Variants in AGBL3 observed in about 807,000 individuals in gnomAD.
AGBL3 encodes AGBL carboxypeptidase 3, also known as cytosolic carboxypeptidase 3.
A neutral mutation model predicts 94.5 loss-of-function variants in AGBL3; 68 were observed. That is an observed-to-expected ratio of 0.72 (90% confidence interval 0.59 to 0.88). The LOEUF is 0.88. Ranked by LOEUF, AGBL3 falls within the 40% of genes least tolerant of loss-of-function variation. AGBL3 has a pLI of 0.00. For missense variants in AGBL3, 934 were observed against 1,103.8 expected (o/e 0.85, Z 2.18); for synonymous variants, 354 against 370.7 (o/e 0.95, Z 0.52).
chr7:135,031,592 G>C (rs1475165973), intron 5 of AGBL3, among the ~76,000 whole-genome samples: 1 of 152,100 alleles, frequency 6.6e-6, no homozygotes, highest in Non-Finnish European at 1.5e-5. Context: ...GTTGAATTTT[G>C]TTCTAGCAGG....
rs748416839 is a variant in AGBL3, at chr7:135,115,355, A to G, written c.2111-25A>G. The G allele has an allele frequency of 3.6e-6, 5 of 1,404,612 alleles. No individual in the cohort carries two copies. In the South Asian group the frequency reaches 5.0e-5, roughly 14 times the overall value. 87.0% of individuals were successfully genotyped at this position (1,404,612 alleles called of 1,614,324 possible). A position where few individuals can be genotyped will look rare whatever the true frequency, so the allele number is the denominator to read the frequency against. Reference sequence around the variant, plus strand: ...TTGTGAATAGAGTTCATATCTCTGTACATATTTTTGTGGTTGCTCCCCAGA... The same window carrying G: ...TTGTGAATAGAGTTCATATCTCTGTGCATATTTTTGTGGTTGCTCCCCAGA... On this transcript the variant is annotated intron_variant, in intron 15 of 16. Coordinates refer to ENST00000436302, the MANE Select transcript of AGBL3 (RefSeq NM_178563.4).
intron 15 of AGBL3, among the ~76,000 whole-genome samples, chr7:135,091,341 C>G (rs11978136): frequency 0.05 from 7,628 of 152,244 alleles, 260 homozygotes; most frequent in Non-Finnish European, 0.08. Flanking sequence ...CCCATGTATA[C>G]CAAAATCTAC....
chr7:135,052,956 G>A (rs764988770), intron 11 of AGBL3, among the ~76,000 whole-genome samples: 4 of 151,962 alleles, frequency 2.6e-5, no homozygotes, highest in Non-Finnish European at 4.4e-5. Flanking sequence ...TGGTTATTTC[G>A]GAAACTTTGT....
intron 5 of AGBL3, among the ~76,000 whole-genome samples, chr7:135,021,998 C>G (rs1030065791): frequency 2.0e-5 from 3 of 152,186 alleles, no homozygotes; most frequent in African/African-American, 7.2e-5. Flanking sequence ...GACATGATCT[C>G]ATTCCTTTTT....
chr7:135,050,764 A>G (rs1351531380), intron 11 of AGBL3, among the ~76,000 whole-genome samples: 1 of 152,042 alleles, frequency 6.6e-6, no homozygotes, highest in Non-Finnish European at 1.5e-5. Context: ...TTAGCATGGA[A>G]TATTTTCCCA....
At chr7:135,134,767 C>A (rs1419338588) in intron 16 of AGBL3, 74 bp from the exon 17 acceptor site, 2 of 1,299,276 alleles carry the variant, frequency 1.5e-6, no homozygotes, top group Admixed American at 2.8e-5. Context: ...ATTATTTATA[C>A]TATGACAACA....
Position 135,135,062 on chromosome 7 carries a change from T to G in AGBL3, c.2564T>G (p.Leu855Arg), listed in dbSNP as rs1339149594. ...WAIKNEDIKP[L>R]SSKWETASSS... ...ATAAAGAATGAAGACATAAAACCTC[T>G]CAGCAGCAAGTGGGAGACTGCTTCT... Residue 855 changes from leucine to arginine, a missense_variant, in exon 17 of 17, where the codon CTC (leucine) becomes CGC (arginine). By Grantham distance (102) the Leu-to-Arg change is moderately radical. Coordinates refer to ENST00000436302, the MANE Select transcript of AGBL3 (RefSeq NM_178563.4). 6.4e-7 allele frequency: 1 copy of G among 1,551,080 alleles called. No individual in the cohort carries two copies. The highest frequency in any genetic ancestry group is 8.7e-7 in the Non-Finnish European group (1 of 1,146,654).
At position 135,034,721 on chromosome 7, in the gene AGBL3, T is replaced by G; in HGVS notation, c.1130T>G (p.Phe377Cys). The part of the protein sequence containing the change: ...ETNSSWIMKG[F>C]LDYILGNSSD... ...AACAGCTCTTGGATCATGAAAGGCT[T>G]CCTAGATTATATTTTAGGAAACTCA... Residue 377 changes from phenylalanine to cysteine, a missense_variant, in exon 7 of 17, where the codon TTC becomes TGC. Transcript: ENST00000436302. The G allele has an allele frequency of 6.4e-7, 1 of 1,550,998 alleles. No homozygotes were observed. The highest frequency in any genetic ancestry group is 8.7e-7 in the Non-Finnish European group (1 of 1,146,702).
chr7:135,092,692 A>G (rs958162368), intron 15 of AGBL3: 4 of 152,158 alleles, frequency 2.6e-5, no homozygotes, highest in African/African-American at 9.7e-5. Context: ...GTTTCTCAGA[A>G]AAGGTAATTG....
chr7:135,120,659 A>G (rs1160301463), intron 16 of AGBL3, among the ~76,000 whole-genome samples: 1 of 152,252 alleles, frequency 6.6e-6, no homozygotes, highest in African/African-American at 2.4e-5. Flanking sequence ...AACAGAATGA[A>G]TTTTAAAACA....
intron 15 of AGBL3, among the ~76,000 whole-genome samples, chr7:135,096,576 G>C (rs10276964): frequency 0.1 from 2,664 of 26,004 alleles, 161 homozygotes; most frequent in African/African-American, 0.22. Context: ...TAGATAGATA[G>C]ATAGATACAT....
intron 4 of AGBL3, among the ~76,000 whole-genome samples, chr7:135,000,500 G>C (rs1811582778): frequency 1.3e-5 from 2 of 152,182 alleles, no homozygotes; most frequent in Non-Finnish European, 2.9e-5. Flanking sequence ...CTAGTTCTCA[G>C]GCTTTTGGAC....
intron 4 of AGBL3, among the ~76,000 whole-genome samples, chr7:135,009,261 T>C (rs1196638459): frequency 6.6e-6 from 1 of 152,184 alleles, no homozygotes; most frequent in Non-Finnish European, 1.5e-5. Flanking sequence ...AAACAAAATA[T>C]GGTATTTCCA....
At chr7:135,008,240 C>G (rs1812646860) in intron 4 of AGBL3, among the ~76,000 whole-genome samples, 1 of 152,024 alleles carries the variant, frequency 6.6e-6, no homozygotes, top group African/African-American at 2.4e-5. Context: ...TCAAAACTTA[C>G]TACAAATAGT....
At chr7:134,987,090 A>G (rs1194733392) in intron 1 of AGBL3, among the ~76,000 whole-genome samples, 1 of 152,282 alleles carries the variant, frequency 6.6e-6, no homozygotes, top group Non-Finnish European at 1.5e-5. Flanking sequence ...TCAGTTTCTT[A>G]GGACTGAAGG....
At chr7:135,042,962 A>T (rs774298800) in intron 8 of AGBL3, among the ~76,000 whole-genome samples, 7 of 152,196 alleles carry the variant, frequency 4.6e-5, no homozygotes, top group Non-Finnish European at 8.8e-5. Flanking sequence ...AGTCAATTTT[A>T]TCGTATGTTA....
intron 4 of AGBL3, among the ~76,000 whole-genome samples, chr7:134,994,379 G>A (rs1345494761): frequency 1.3e-5 from 2 of 151,444 alleles, no homozygotes; most frequent in African/African-American, 4.9e-5. Context: ...ATATATTTTA[G>A]TATATATAGA....
intron 16 of AGBL3, among the ~76,000 whole-genome samples, chr7:135,132,045 A>G (rs920861137): frequency 1.3e-5 from 2 of 152,140 alleles, no homozygotes; most frequent in African/African-American, 2.4e-5. Flanking sequence ...TTAAAACCCT[A>G]AAAAAGAAAT....
rs530419943 is a variant in AGBL3, at chr7:135,005,025, C to T, written c.310+11347C>T. ...AAATATGCAGAGAAATTGAAAGGAT[C>T]GTACAGGAACCCATATGGCCATCAA... On this transcript the variant is annotated intron_variant, in intron 4 of 16. Coordinates refer to ENST00000436302, the MANE Select transcript of AGBL3 (RefSeq NM_178563.4). Among the ~76,000 whole-genome samples the T allele has an allele frequency of 3.8e-4, 58 of 151,638 alleles. 1 individual carries two copies. Among genetic ancestry groups the T allele is most frequent in the African/African-American group, 1.3e-3 (53 of 41,484 alleles).
Sources: allele counts gnomAD v4.1 joint callset (sites outside exome capture counted in the v4.1 genomes callset), GRCh38; gene constraint gnomAD v4.1.1; transcripts MANE v1.5; gene names NCBI Gene and HGNC (gene_info 2026-07-23, HGNC 2026-07-21).